The following ZFHX4 variants were observed in gnomAD, a reference collection of about 807,000 sequenced individuals.
ZFHX4 encodes zinc finger homeobox 4.
ZFHX4 carries 56 observed loss-of-function variants against 267.6 expected under a neutral mutation model. The observed-to-expected ratio is 0.21, with a 90% confidence interval of 0.17 to 0.26. The LOEUF is 0.26. Among genes scored for constraint, ZFHX4 ranks in the 10% least tolerant of loss-of-function variants. ZFHX4 has a pLI of 1.00. For synonymous variants in ZFHX4, 1,778 were observed against 1,665.6 expected (o/e 1.07, Z -1.64); for missense variants, 4,332 against 4,420.0 (o/e 0.98, Z 0.56).
rs759577729 is a variant in ZFHX4 at position 76,707,999 on chromosome 8, G to C, written c.3044G>C (p.Arg1015Pro). The C allele has an allele frequency of 1.2e-6, 2 of 1,613,852 alleles. No homozygotes were observed. The highest frequency in any genetic ancestry group is 1.7e-6 in the Non-Finnish European group (2 of 1,179,878). Residue 1015 changes from arginine to proline, a missense_variant, in exon 3 of 11, where the codon CGC becomes CCC. This residue lies in a region of ZFHX4 where 1,371 missense variants were observed against 1,423.1 expected (regional missense o/e 0.96). Coordinates refer to ENST00000651372, the MANE Select transcript of ZFHX4 (RefSeq NM_024721.5). ...DYYTNSVDKL[R>P]LHTTNHRHEA... ...TACACCAACAGTGTGGATAAATTACGCTTGCATACCACCAATCACAGGCAC... is the reference window on the plus strand; with the variant it reads ...TACACCAACAGTGTGGATAAATTACCCTTGCATACCACCAATCACAGGCAC...
In ZFHX4 at chr8:76,854,172, C is replaced by A; in HGVS notation, c.7251C>A (p.Asp2417Glu). 1 of 1,586,072 alleles carries A rather than the reference C, an allele frequency of 6.3e-7. No homozygotes were observed. The highest frequency in any genetic ancestry group is 1.1e-5 in the South Asian group (1 of 88,578). The stretch of plus-strand genomic sequence containing the variant: ...CCGCAGAAAAGCCAAAGCAGAGTGA[C>A]CCCTCTCCCCCTTCTCAAGGCACCA... ...EYPAEKPKQSDPSPPSQGTKP... is the reference protein window; with the variant it reads ...EYPAEKPKQSEPSPPSQGTKP... Residue 2417 changes from aspartate to glutamate, a missense_variant, in exon 10 of 11, where the codon GAC becomes GAA. Physicochemically the swap from Asp to Glu is conservative, Grantham distance 45 (BLOSUM62 2). Transcript: ENST00000651372.
Position 76,790,248 on chromosome 8 carries a change from G to A in ZFHX4, c.3325+11809G>A, listed in dbSNP as rs531043967. ...TTAGGCACTGGAATATACTTTAAAC[G>A]TATTAATTCCTTAAACTTTATCACA... On this transcript the variant is annotated intron_variant, in intron 4 of 10. Transcript: ENST00000651372. Among the ~76,000 whole-genome samples, 50 of 152,164 alleles carry A rather than the reference G, an allele frequency of 3.3e-4. No homozygotes were observed. The East Asian group carries it at 7.3e-3, about 22-fold the overall frequency.
intron 3 of ZFHX4, among the ~76,000 whole-genome samples, chr8:76,767,955 G>A (rs2131743352): frequency 1.3e-5 from 2 of 152,272 alleles, no homozygotes; most frequent in South Asian, 2.1e-4. Context: ...ATGTTAATCA[G>A]CATAAAGGGA....
chr8:76,684,671 G>A (rs1007898202), intron 1 of ZFHX4, among the ~76,000 whole-genome samples: 1 of 152,206 alleles, frequency 6.6e-6, no homozygotes, highest in Non-Finnish European at 1.5e-5. Context: ...GTTAGACAGG[G>A]ATAGTGGACT....
chr8:76,849,538 C>T lies in ZFHX4; in HGVS notation c.3672C>T (p.Tyr1224=). The T allele has an allele frequency of 6.2e-7, 1 of 1,613,878 alleles. No homozygotes were observed. Among genetic ancestry groups the T allele is most frequent in the Non-Finnish European group, 8.5e-7 (1 of 1,179,796 alleles). The change falls in exon 8 of 11, where the codon TAC becomes TAT. Residue 1224 remains tyrosine (Y), a synonymous_variant. Transcript: ENST00000651372. ...TCTATCAATGTCCTTATTGTAACTA[C>T]AATAGTAGGGACCAAAGTCGTATCC... ...EQFYQCPYCN[Y]NSRDQSRIQM...
intron 4 of ZFHX4, chr8:76,782,043 C>T (rs1810561006): frequency 7.0e-5 from 23 of 329,096 alleles, no homozygotes; most frequent in South Asian, 5.5e-4. Context: ...ATTTTACTAG[C>T]TATAATCTCA....
intron 3 of ZFHX4, among the ~76,000 whole-genome samples, chr8:76,762,998 G>A (rs1337125079): frequency 6.6e-6 from 1 of 152,162 alleles, no homozygotes; most frequent in Admixed American, 6.5e-5. Flanking sequence ...GTGCTGGATC[G>A]AAGAGTTTCT....
chr8:76,737,226 C>T (rs1809186917), intron 3 of ZFHX4, among the ~76,000 whole-genome samples: 1 of 152,158 alleles, frequency 6.6e-6, no homozygotes, highest in South Asian at 2.1e-4. Context: ...CTCTCACATA[C>T]TTACCCAGTT....
chr8:76,787,223 A>G (rs1005532176), intron 4 of ZFHX4, among the ~76,000 whole-genome samples: 3 of 152,332 alleles, frequency 2.0e-5, no homozygotes, highest in East Asian at 1.9e-4. Context: ...AATAGAATGT[A>G]TGTGATCAAG....
At chr8:76,733,664 T>C (rs1172404017) in intron 3 of ZFHX4, among the ~76,000 whole-genome samples, 1 of 152,218 alleles carries the variant, frequency 6.6e-6, no homozygotes, top group Non-Finnish European at 1.5e-5. Flanking sequence ...ATAATATTCA[T>C]ATGCTGTTCC....
chr8:76,833,654 A>G (rs919071736), intron 5 of ZFHX4: 1 of 395,610 alleles, frequency 2.5e-6, no homozygotes, highest in Non-Finnish European at 4.7e-6. Context: ...CCCCTGACAC[A>G]TGTATAGCCT....
At chr8:76,806,852 G>A (rs960806707) in intron 4 of ZFHX4, among the ~76,000 whole-genome samples, 17 of 151,966 alleles carry the variant, frequency 1.1e-4, no homozygotes, top group Non-Finnish European at 2.4e-4. Context: ...TCTTTGATGT[G>A]ATAAGGAAGT....
intron 5 of ZFHX4, among the ~76,000 whole-genome samples, chr8:76,841,216 G>C (rs1466925124): frequency 6.6e-6 from 1 of 152,164 alleles, no homozygotes; most frequent in Non-Finnish European, 1.5e-5. Context: ...GCTTTTTAGA[G>C]TTTCCTATTG....
intron 3 of ZFHX4, among the ~76,000 whole-genome samples, chr8:76,735,380 A>C (rs1809131689): frequency 6.6e-6 from 1 of 152,142 alleles, no homozygotes. Context: ...GCATTTTTCA[A>C]CCATGGAAAA....
intron 4 of ZFHX4, among the ~76,000 whole-genome samples, chr8:76,797,882 C>CTATATGTGTGTGTG (rs752887213): frequency 7.4e-6 from 1 of 135,570 alleles, no homozygotes; most frequent in South Asian, 2.5e-4. Context: ...GGGTGTGTGT[C>CTATATGTGTGTGTG]TGTATGTGTG....
intron 4 of ZFHX4, among the ~76,000 whole-genome samples, chr8:76,817,716 A>G (rs558100586): frequency 2.1e-4 from 32 of 152,376 alleles, no homozygotes; most frequent in African/African-American, 7.0e-4. Context: ...AAGCTGGCAT[A>G]TAACCGTGAA....
chr8:76,703,375 A>G (rs938827046), intron 1 of ZFHX4, among the ~76,000 whole-genome samples: 1 of 152,168 alleles, frequency 6.6e-6, no homozygotes, highest in Non-Finnish European at 1.5e-5. Flanking sequence ...TCTGTTGCCC[A>G]TTGAGGTGAC....
At chr8:76,808,181 A>T (rs993620341) in intron 4 of ZFHX4, among the ~76,000 whole-genome samples, 1 of 152,136 alleles carries the variant, frequency 6.6e-6, no homozygotes, top group Non-Finnish European at 1.5e-5. Context: ...AGTCAATAGA[A>T]GCCAAAAAAA....
intron 1 of ZFHX4, among the ~76,000 whole-genome samples, chr8:76,692,731 C>T (rs909231715): frequency 2.6e-4 from 40 of 151,450 alleles, no homozygotes; most frequent in East Asian, 9.7e-4. Flanking sequence ...TTTTTCATTG[C>T]GATACATGTA....
Sources: gnomAD v4.1 joint callset for allele counts (sites outside exome capture counted in the v4.1 genomes callset) on GRCh38, gnomAD v4.1.1 for gene constraint, gnomAD v4.1.1 regional missense constraint, MANE v1.5 for transcripts, NCBI Gene and HGNC (gene_info 2026-07-23, HGNC 2026-07-21) for gene names.